Variants in OIT3 observed in about 807,000 individuals in gnomAD.
OIT3 encodes oncoprotein-induced transcript 3 protein.
Under a neutral mutation model 52.2 loss-of-function variants are expected in OIT3, and 41 were observed. The ratio of observed to expected loss-of-function variants is 0.79; its 90% CI spans 0.61 to 1.02. The LOEUF is 1.02. Ranked by LOEUF, OIT3 falls within the 50% of genes least tolerant of loss-of-function variation. The probability of loss-of-function intolerance (pLI) is 0.00; values close to 1 mark genes in which losing one functional copy is unlikely to be tolerated. For missense variants in OIT3, 634 were observed against 715.5 expected, an observed-to-expected ratio of 0.89 and a Z score of 1.30; for synonymous variants, 244 against 276.9, an observed-to-expected ratio of 0.88 and a Z score of 1.18.
chr10:72,906,467 T>G lies in OIT3; in HGVS notation c.545-129T>G, dbSNP rs1845979409. ...GGTGGATGGGAGTGATGATACTGGA[T>G]CAGAGGGGGAGCTGGATGGTGGAAG... On this transcript the variant is annotated intron_variant, in intron 3 of 8. Coordinates refer to ENST00000334011, the MANE Select transcript of OIT3 (RefSeq NM_152635.3). 7 of 965,126 alleles carry G rather than the reference T, an allele frequency of 7.3e-6. No individual in the cohort carries two copies. In the Admixed American group the frequency reaches 1.2e-4, roughly 16 times the overall value. 59.8% of individuals were successfully genotyped at this position (965,126 alleles called of 1,614,324 possible).
At chr10:72,929,169 T>G (rs1341177360) in intron 7 of OIT3, among the ~76,000 whole-genome samples, 2 of 151,026 alleles carry the variant, frequency 1.3e-5, no homozygotes, top group African/African-American at 4.9e-5. Context: ...GCCACTGCAC[T>G]CCAGCCTGGG....
At position 72,894,298 on chromosome 10, in the gene OIT3, T is replaced by C. The variant is rs568096861; in HGVS notation, c.61+439T>C. On this transcript the variant is annotated intron_variant, in intron 1 of 8. Transcript: ENST00000334011. The stretch of plus-strand genomic sequence containing the variant: ...GATAAACCAAACTCATTAGTCTTTA[T>C]GTCAGAAAATAAGACTTTTTGCACA... Among the ~76,000 whole-genome samples, 7 of 152,362 alleles carry C rather than the reference T, an allele frequency of 4.6e-5. No individual in the cohort carries two copies. The East Asian group carries it at 1.3e-3, about 29-fold the overall frequency.
Position 72,906,717 on chromosome 10 carries a change from A to T in OIT3, c.666A>T (p.Glu222Asp). Reference protein sequence around the residue: ...RVLRSDGKTCEDVEGCHNNNG... With the variant: ...RVLRSDGKTCDDVEGCHNNNG... ...TAAGAAGTGATGGCAAGACTTGTGA[A>T]GGTGAGAATGGGCAAAAAGGGACCC... Residue 222 changes from glutamate (E) to aspartate (D), a missense_variant and splice_region_variant, in exon 4 of 9, where the codon GAA becomes GAT. Physicochemically the swap from Glu to Asp is conservative, Grantham distance 45. Transcript: ENST00000334011. 6.4e-7 allele frequency: 1 copy of T among 1,568,174 alleles called. No individual in the cohort carries two copies. Among genetic ancestry groups the T allele is most frequent in the Non-Finnish European group, 8.6e-7 (1 of 1,158,534 alleles).
At chr10:72,894,210 A>G (rs1845854254) in intron 1 of OIT3, among the ~76,000 whole-genome samples, 1 of 152,174 alleles carries the variant, frequency 6.6e-6, no homozygotes, top group South Asian at 2.1e-4. Flanking sequence ...AGTTGAGCAT[A>G]GAATTTTTCT....
At chr10:72,906,301 C>A (rs1845978167) in intron 3 of OIT3, among the ~76,000 whole-genome samples, 1 of 152,146 alleles carries the variant, frequency 6.6e-6, no homozygotes, top group Admixed American at 6.5e-5. Context: ...TTCACCAATA[C>A]AAATAGGTAG....
chr10:72,915,663 G>A (rs1846066694), intron 6 of OIT3, among the ~76,000 whole-genome samples: 1 of 152,068 alleles, frequency 6.6e-6, no homozygotes. Context: ...TTGTGCTTAG[G>A]ATCACTAGAT....
chr10:72,911,089 T>C (rs1440363597), intron 4 of OIT3, among the ~76,000 whole-genome samples: 1 of 152,176 alleles, frequency 6.6e-6, no homozygotes, highest in Non-Finnish European at 1.5e-5. Flanking sequence ...TTTTTGAATA[T>C]GTAAAACATT....
At chr10:72,918,603 A>G in intron 6 of OIT3, 1 of 756,288 alleles carries the variant, frequency 1.3e-6, no homozygotes, top group South Asian at 1.4e-5. Flanking sequence ...TCAAGAGAAC[A>G]GCCGCACAGG....
chr10:72,916,623 G>A (rs1012608477), intron 6 of OIT3, among the ~76,000 whole-genome samples: 1 of 152,162 alleles, frequency 6.6e-6, no homozygotes, highest in African/African-American at 2.4e-5. Flanking sequence ...GAATAGTGCT[G>A]CAGTAAACAT....
intron 6 of OIT3, among the ~76,000 whole-genome samples, chr10:72,914,854 AGTGT>A (rs1846060348): frequency 6.6e-6 from 1 of 152,088 alleles, no homozygotes; most frequent in African/African-American, 2.4e-5. Flanking sequence ...CCCAAGAAGT[AGTGT>A]GTAAAACTCT....
Position 72,932,809 on chromosome 10 carries a change from A to G in OIT3, c.*285A>G, listed in dbSNP as rs1846231058. 3.0e-6 allele frequency: 1 copy of G among 331,882 alleles called. No homozygotes were observed. The highest frequency in any genetic ancestry group is 4.5e-5 in the Admixed American group (1 of 22,256). 20.6% of individuals were successfully genotyped at this position (331,882 alleles called of 1,614,324 possible). ...TTTCCCTCATTTCTTTCCTACACTT[A>G]AATACCTCGTGTATGGTGCAATCAG... On this transcript the variant is annotated 3_prime_UTR_variant, in exon 9 of 9. Transcript: ENST00000334011.
chr10:72,899,864 T>A (rs1845916235), intron 2 of OIT3, among the ~76,000 whole-genome samples: 1 of 152,168 alleles, frequency 6.6e-6, no homozygotes, highest in African/African-American at 2.4e-5. Flanking sequence ...CAGTAATACT[T>A]TTAATTTCTG....
intron 6 of OIT3, among the ~76,000 whole-genome samples, chr10:72,921,582 G>T (rs1846121883): frequency 6.6e-6 from 1 of 151,980 alleles, no homozygotes; most frequent in African/African-American, 2.4e-5. Context: ...GCATTTGCTT[G>T]TCTGAAAAGG....
At position 72,893,855 on chromosome 10, in the gene OIT3, C is replaced by T. The variant is rs1490914710; in HGVS notation, c.57C>T (p.Pro19=). ...CLFITGTSVS[P]VALDPCSAYI... ...TCATCACAGGCACCTCCGTGTCACC[C>T]GTGGGTGAGTCTCATGTCAAGAACT... The change falls in exon 1 of 9, where the codon CCC becomes CCT. Residue 19 remains proline, a synonymous_variant. Coordinates refer to ENST00000334011, the MANE Select transcript of OIT3 (RefSeq NM_152635.3). 6 of 1,608,132 alleles carry T rather than the reference C, an allele frequency of 3.7e-6. No homozygotes were observed. Among genetic ancestry groups the T allele is most frequent in the Middle Eastern group, 1.7e-4 (1 of 6,046 alleles).
At chr10:72,918,730 GCAC>G (rs1846096629) in intron 6 of OIT3, among the ~76,000 whole-genome samples, 1 of 152,186 alleles carries the variant, frequency 6.6e-6, no homozygotes, top group Non-Finnish European at 1.5e-5. Context: ...AGGTATCCCA[GCAC>G]CGTTTCCTCA....
chr10:72,899,699 TAGATGATAGATA>T (rs1331104586), intron 2 of OIT3, among the ~76,000 whole-genome samples: 218 of 136,882 alleles, frequency 1.6e-3, no homozygotes, highest in African/African-American at 5.5e-3. Flanking sequence ...TTAAGATAGA[TAGATGATAGATA>T]GATAGATAGA....
At chr10:72,900,267 G>T in intron 2 of OIT3, 110 bp from the exon 3 acceptor site, 1 of 654,640 alleles carries the variant, frequency 1.5e-6, no homozygotes. Context: ...GGCCAGCCTG[G>T]GCAACATAGG....
intron 8 of OIT3, 96 bp downstream of exon 8, chr10:72,930,733 G>C (rs1235716313): frequency 6.6e-6 from 5 of 758,706 alleles, no homozygotes; most frequent in Non-Finnish European, 1.1e-5. Context: ...GAGCCCACTG[G>C]TGGGATCTGC....
At chr10:72,924,080 A>C (rs1846144715) in intron 6 of OIT3, 149 bp from the exon 7 acceptor site, 4 of 697,742 alleles carry the variant, frequency 5.7e-6, no homozygotes, top group Non-Finnish European at 4.7e-6. Flanking sequence ...GGCAGTGGGA[A>C]AAAAAAACAA....
Sources: allele counts gnomAD v4.1 joint callset (sites outside exome capture counted in the v4.1 genomes callset), GRCh38; gene constraint gnomAD v4.1.1; transcripts MANE v1.5; gene names NCBI Gene and HGNC (gene_info 2026-07-23, HGNC 2026-07-21).